Variants in MICAL3 observed in about 807,000 individuals in gnomAD.
MICAL3 encodes [F-actin]-monooxygenase MICAL3.
Under a neutral mutation model 207.4 loss-of-function variants are expected in MICAL3, and 62 were observed. The ratio of observed to expected loss-of-function variants is 0.30; its 90% CI spans 0.24 to 0.37. The LOEUF (loss-of-function observed/expected upper bound fraction) is 0.37, where lower values mean the gene tolerates loss of function less well. Among genes scored for constraint, MICAL3 ranks in the 10% least tolerant of loss-of-function variants. The probability of loss-of-function intolerance (pLI) is 1.00; values close to 1 mark genes in which losing one functional copy is unlikely to be tolerated. For missense variants in MICAL3, 2,368 were observed against 2,635.6 expected (o/e 0.90, Z 2.22); for synonymous variants, 1,077 against 1,069.3 (o/e 1.01, Z -0.14).
chr22:17,911,809 G>C (rs1316181294), intron 1 of MICAL3, among the ~76,000 whole-genome samples: 1 of 90,752 alleles, frequency 1.1e-5, no homozygotes, highest in Non-Finnish European at 1.9e-5. Flanking sequence ...TCCAGCCTGG[G>C]AAACAGAGCA....
chr22:17,945,144 AC>A (rs1355067323), intron 1 of MICAL3, among the ~76,000 whole-genome samples: 1 of 151,110 alleles, frequency 6.6e-6, no homozygotes, highest in African/African-American at 2.4e-5. Flanking sequence ...ACTCTCCCTG[AC>A]CCCCAGGAAA....
rs76837239 is a variant in MICAL3 at position 17,808,081 on chromosome 22, T to G, written c.5650+763A>C. Among the ~76,000 whole-genome samples the G allele has an allele frequency of 5.4e-3, 821 of 152,374 alleles. 7 individuals are homozygous for G. The highest frequency in any genetic ancestry group is 0.018 in the African/African-American group (766 of 41,586). ...TGAACCAATAGGACTTCCTGGGCCG[T>G]GGGGCCAGAGATGCCTCAGGCACTC... On this transcript the variant is annotated intron_variant, in intron 29 of 31. Transcript: ENST00000441493.
intron 16 of MICAL3, among the ~76,000 whole-genome samples, chr22:17,877,126 T>A (rs201343988): frequency 2.6e-5 from 2 of 77,962 alleles, no homozygotes; most frequent in African/African-American, 5.8e-5. Context: ...AGGGAGGTTA[T>A]GGAGGTTAGG....
At chr22:17,925,765 C>T (rs1225424595) in intron 1 of MICAL3, among the ~76,000 whole-genome samples, 2 of 152,092 alleles carry the variant, frequency 1.3e-5, no homozygotes, top group African/African-American at 2.4e-5. Flanking sequence ...TCCACAGTGT[C>T]GGAAGGGTAC....
rs557666145 is a variant in MICAL3, at chr22:17,835,919, A to G, written c.2802-3812T>C. Among the ~76,000 whole-genome samples the G allele has an allele frequency of 1.5e-4, 23 of 152,308 alleles. 1 individual carries two copies. In the South Asian group the frequency reaches 4.6e-3, roughly 30 times the overall value. On this transcript the variant is annotated intron_variant, in intron 20 of 31. Coordinates refer to ENST00000441493, the MANE Select transcript of MICAL3 (RefSeq NM_015241.3). The stretch of plus-strand genomic sequence containing the variant: ...GGAATGTGCCAGGGGCTGCGGTGAA[A>G]GCCAGGGCAGGCTTACGCTACTTTC...
In MICAL3 at chr22:17,821,194, T is replaced by G. The variant is rs138372607; in HGVS notation, c.3531+233A>C. ...GGTAGTAGGTGCCACCCAGACGGCCTCATCCCCAAGAGTACTGAGCTGGAA... is the reference window on the plus strand; with the variant it reads ...GGTAGTAGGTGCCACCCAGACGGCCGCATCCCCAAGAGTACTGAGCTGGAA... On this transcript the variant is annotated intron_variant, in intron 25 of 31. Coordinates refer to ENST00000441493, the MANE Select transcript of MICAL3 (RefSeq NM_015241.3). Among the ~76,000 whole-genome samples, 347 of 152,164 alleles carry G rather than the reference T, an allele frequency of 2.3e-3. 1 individual carries two copies. Among genetic ancestry groups the G allele is most frequent in the African/African-American group, 8.1e-3 (336 of 41,518 alleles).
rs751950351 is a variant in MICAL3 at position 17,864,889 on chromosome 22, G to A, written c.2605+10C>T. 6 of 1,613,910 alleles carry A rather than the reference G, an allele frequency of 3.7e-6. No individual in the cohort carries two copies. Among genetic ancestry groups the A allele is most frequent in the South Asian group, 2.2e-5 (2 of 91,080 alleles). ...ACGCGCCACCCAGCCAAACAAGGAAGTGAGGCTACCTGGGGTTCTCTCAGT... is the reference window on the plus strand; with the variant it reads ...ACGCGCCACCCAGCCAAACAAGGAAATGAGGCTACCTGGGGTTCTCTCAGT... On this transcript the variant is annotated intron_variant, in intron 19 of 31. Coordinates refer to ENST00000441493, the MANE Select transcript of MICAL3 (RefSeq NM_015241.3).
intron 19 of MICAL3, among the ~76,000 whole-genome samples, chr22:17,856,249 T>C (rs578200753): frequency 5.3e-5 from 8 of 152,364 alleles, no homozygotes; most frequent in African/African-American, 1.9e-4. Context: ...CACTGCAAGC[T>C]TTACTGTCAA....
intron 1 of MICAL3, among the ~76,000 whole-genome samples, chr22:17,986,990 A>G (rs1300485758): frequency 1.3e-5 from 2 of 151,984 alleles, no homozygotes; most frequent in African/African-American, 4.8e-5. Context: ...TGTAATTCCA[A>G]CGCTTTGGGA....
Position 17,871,846 on chromosome 22 carries a change from TGTCGTA to T in MICAL3, c.2413_2418del (p.Tyr805_Asp806del). 1 of 1,605,242 alleles carries T rather than the reference TGTCGTA, an allele frequency of 6.2e-7. No homozygotes were observed. The highest frequency in any genetic ancestry group is 2.2e-5 in the East Asian group (1 of 44,576). On this transcript the variant is annotated inframe_deletion, in exon 17 of 32. Transcript: ENST00000441493. ...GCGCAGGGTGTCTCACCATCCTCGA[TGTCGTA>T]GGCGTAGGCCGAGAGGCGCAGGGTG...
In MICAL3 at chr22:17,872,132, T is replaced by C. The variant is rs141214261; in HGVS notation, c.2242-109A>G. 2,401 of 920,342 alleles carry C rather than the reference T, an allele frequency of 2.6e-3. 41 individuals carry two copies. In the African/African-American group the frequency reaches 0.035, roughly 14 times the overall value. The allele number at this position is 920,342 out of a possible 1,614,324, so 57.0% of individuals were successfully genotyped here. On this transcript the variant is annotated intron_variant, in intron 16 of 31. Transcript: ENST00000441493. ...CAAAGCCAACCCTCACTAAGGGGTC[T>C]GCTTTGAGACAGACTTCTAACTGGC...
rs754249711 is a variant in MICAL3 at position 17,872,006 on chromosome 22, C to A, written c.2259G>T (p.Glu753Asp). 7 of 1,605,734 alleles carry A rather than the reference C, an allele frequency of 4.4e-6. No individual in the cohort carries two copies. The highest frequency in any genetic ancestry group is 2.7e-5 in the African/African-American group (2 of 74,812). Reference protein sequence around the residue: ...GIRRQGSMKKEFPQNLGGSDT... With the variant: ...GIRRQGSMKKDFPQNLGGSDT... ...CGCTGCCTCCCAGGTTCTGCGGGAA[C>A]TCCTTCTTCATGGAGCCCTGCAGGA... The change falls in exon 17 of 32, where the codon GAG becomes GAT. Residue 753 changes from glutamate (E) to aspartate (D), a missense_variant. Glu to Asp is a conservative substitution (Grantham distance 45). Around this residue, in one of 4 missense-constraint regions of MICAL3, gnomAD observed 1,770 missense variants for 1,863.2 expected, o/e 0.95. Coordinates refer to ENST00000441493, the MANE Select transcript of MICAL3 (RefSeq NM_015241.3).
chr22:17,992,317 A>G (rs558205562), intron 1 of MICAL3, among the ~76,000 whole-genome samples: 1 of 149,992 alleles, frequency 6.7e-6, no homozygotes, highest in East Asian at 1.9e-4. Context: ...CAGCAGACAC[A>G]GGGGGTAGGC....
intron 20 of MICAL3, chr22:17,840,069 T>C (rs1251276341): frequency 6.6e-6 from 1 of 151,856 alleles, no homozygotes; most frequent in African/African-American, 2.4e-5. Context: ...CTGGCCTTTA[T>C]TTTATTTTTT....
Position 17,854,453 on chromosome 22 carries a change from C to T in MICAL3, c.2605+10446G>A, listed in dbSNP as rs545926119. On this transcript the variant is annotated intron_variant, in intron 19 of 31. Coordinates refer to ENST00000441493, the MANE Select transcript of MICAL3 (RefSeq NM_015241.3). ...ACGTGGTAAGCTCACGACCCTTCAC[C>T]GTGGCTGCCAAGGTGCAATGCCTGA... 1.1e-4 allele frequency among the ~76,000 whole-genome samples: 16 copies of T among 152,318 alleles called. No homozygotes were observed. The East Asian group carries it at 1.9e-3, about 18-fold the overall frequency.
intron 16 of MICAL3, among the ~76,000 whole-genome samples, chr22:17,877,409 A>AGTTATGGAG (rs1928846749): frequency 2.2e-5 from 1 of 45,678 alleles, no homozygotes; most frequent in Non-Finnish European, 3.8e-5. Context: ...AGGTTAGGGA[A>AGTTATGGAG]GTTATGGAGG....
rs530397108 is a variant in MICAL3 at position 17,798,925 on chromosome 22, G to A, written c.5651-7624C>T. On this transcript the variant is annotated intron_variant, in intron 29 of 31. Transcript: ENST00000441493. ...CCTGACCTTGTGATCTGCCCGCCTC[G>A]GCCTCCCAAAGTGCTGGGATTACAG... Among the ~76,000 whole-genome samples, 64 of 151,816 alleles carry A rather than the reference G, an allele frequency of 4.2e-4. 1 individual carries two copies. In the South Asian group the frequency reaches 5.0e-3, roughly 12 times the overall value.
chr22:17,800,389 GAAGA>G (rs1480042807), intron 29 of MICAL3, among the ~76,000 whole-genome samples: 8 of 152,198 alleles, frequency 5.3e-5, no homozygotes, highest in African/African-American at 1.7e-4. Flanking sequence ...TCCCAGGGCA[GAAGA>G]AAGAAGGGGA....
intron 1 of MICAL3, among the ~76,000 whole-genome samples, chr22:17,957,354 T>C (rs917821694): frequency 6.6e-6 from 1 of 152,238 alleles, no homozygotes; most frequent in Non-Finnish European, 1.5e-5. Context: ...TCTTCTTTCA[T>C]GCTAAGCCAC....
Sources: gnomAD v4.1 joint callset for allele counts (sites outside exome capture counted in the v4.1 genomes callset) on GRCh38, gnomAD v4.1.1 for gene constraint, gnomAD v4.1.1 regional missense constraint, MANE v1.5 for transcripts, NCBI Gene and HGNC (gene_info 2026-07-23, HGNC 2026-07-21) for gene names.